KTN1: variants seen among roughly 807,000 people sequenced by gnomAD.
KTN1 encodes kinectin 1.
Under a neutral mutation model 222.5 loss-of-function variants are expected in KTN1, and 130 were observed. The ratio of observed to expected loss-of-function variants is 0.58; its 90% CI spans 0.51 to 0.68. KTN1 has a LOEUF of 0.68. Ranked by LOEUF, KTN1 falls within the 30% of genes least tolerant of loss-of-function variation. The probability of loss-of-function intolerance (pLI) is 0.00; values close to 1 mark genes in which losing one functional copy is unlikely to be tolerated. For missense variants in KTN1, 1,508 were observed against 1,500.4 expected (o/e 1.01, Z -0.08); for synonymous variants, 512 against 496.3 (o/e 1.03, Z -0.42).
intron 21 of KTN1, 25 bp downstream of exon 21, chr14:55,648,895 C>G (rs775960290): frequency 1.4e-6 from 2 of 1,402,216 alleles, no homozygotes; most frequent in African/African-American, 1.4e-5. Flanking sequence ...TACAACTGTT[C>G]TTTGTCTCTG....
At chr14:55,607,996 A>AT (rs777978243) in intron 1 of KTN1, among the ~76,000 whole-genome samples, 47 of 152,366 alleles carry the variant, frequency 3.1e-4, no homozygotes, top group Non-Finnish European at 5.7e-4. Context: ...AAAGAACAAC[A>AT]TGAGCGTCTA....
At chr14:55,607,268 A>G (rs2036861604) in intron 1 of KTN1, 1 of 152,198 alleles carries the variant, frequency 6.6e-6, no homozygotes, top group African/African-American at 2.4e-5. Flanking sequence ...AAACTATTTG[A>G]TTAGTATTTG....
chr14:55,627,143 A>C (rs2140873407), intron 5 of KTN1, among the ~76,000 whole-genome samples: 1 of 152,314 alleles, frequency 6.6e-6, no homozygotes, highest in East Asian at 1.9e-4. Context: ...ATAGCAGCTT[A>C]CATTTTGGTT....
rs575500768 is a variant in KTN1 at position 55,642,730 on chromosome 14, T to G, written c.2172+970T>G. Among the ~76,000 whole-genome samples, 300 of 152,260 alleles carry G rather than the reference T, an allele frequency of 2.0e-3. 1 individual carries two copies. Among genetic ancestry groups the G allele is most frequent in the Non-Finnish European group, 2.8e-3 (191 of 68,006 alleles). On this transcript the variant is annotated intron_variant, in intron 18 of 43. Transcript: ENST00000395314. ...GTAAGTAGCTGTGCCTCTGGAAGTA[T>G]TTTGTTAACTTGTCAAGAAATAATC...
chr14:55,680,817 C>A, intron 43 of KTN1: 1 of 770,874 alleles, frequency 1.3e-6, no homozygotes, highest in Non-Finnish European at 2.1e-6. Context: ...AGTAATTAAG[C>A]CTCAGCTCAA....
In KTN1 at chr14:55,653,562, T is replaced by G. The variant is rs752669517; in HGVS notation, c.2767T>G (p.Ser923Ala). Reference protein sequence around the residue: ...EVAQHNLKEASSASQFEELEI... With the variant: ...EVAQHNLKEAASASQFEELEI... ...AAAATATGATTCTGTTTCTCAGGCC[T>G]CTTCTGCATCACAGTTTGAAGAACT... Residue 923 changes from serine to alanine, a missense_variant, in exon 28 of 44, where the codon TCT becomes GCT. Transcript: ENST00000395314. 2.5e-6 allele frequency: 4 copies of G among 1,610,238 alleles called. No individual in the cohort carries two copies. The highest frequency in any genetic ancestry group is 3.4e-6 in the Non-Finnish European group (4 of 1,177,116).
intron 34 of KTN1, among the ~76,000 whole-genome samples, chr14:55,669,026 A>G (rs1248019284): frequency 2.6e-5 from 4 of 152,088 alleles, no homozygotes; most frequent in African/African-American, 9.7e-5. Flanking sequence ...GCTGTTGTTA[A>G]ATTGAACCTA....
intron 1 of KTN1, among the ~76,000 whole-genome samples, chr14:55,608,151 C>T (rs920746144): frequency 6.6e-6 from 1 of 152,094 alleles, no homozygotes. Flanking sequence ...GTTTTGCCTC[C>T]CTGCTTTTAA....
chr14:55,654,881 C>A (rs1201599176), intron 28 of KTN1, among the ~76,000 whole-genome samples: 1 of 152,108 alleles, frequency 6.6e-6, no homozygotes, highest in Admixed American at 6.6e-5. Context: ...CCCGGCAGCA[C>A]CCCCCGGCAA....
chr14:55,605,671 A>G (rs1461196206), intron 1 of KTN1, among the ~76,000 whole-genome samples: 1 of 152,054 alleles, frequency 6.6e-6, no homozygotes, highest in African/African-American at 2.4e-5. Flanking sequence ...AAAAGCCAAG[A>G]CTCTTGCCTT....
chr14:55,640,451 T>C lies in KTN1; in HGVS notation c.1983+9T>C. On this transcript the variant is annotated intron_variant, in intron 15 of 43. Transcript: ENST00000395314. Reference sequence around the variant, plus strand: ...CCCTGGCAAATGAGCAGGTAGATCTTTATTGCTTTTGAGCATTGATCTCAG... The same window carrying C: ...CCCTGGCAAATGAGCAGGTAGATCTCTATTGCTTTTGAGCATTGATCTCAG... 1 of 1,587,736 alleles carries C rather than the reference T, an allele frequency of 6.3e-7. No individual in the cohort carries two copies. Among genetic ancestry groups the C allele is most frequent in the Non-Finnish European group, 8.6e-7 (1 of 1,164,640 alleles).
chr14:55,620,898 A>G (rs2039050502), intron 5 of KTN1, among the ~76,000 whole-genome samples: 1 of 152,204 alleles, frequency 6.6e-6, no homozygotes, highest in African/African-American at 2.4e-5. Flanking sequence ...CTCCTCAGAA[A>G]GTGGGATTTT....
At chr14:55,602,945 C>A (rs531995379) in intron 1 of KTN1, among the ~76,000 whole-genome samples, 1 of 152,274 alleles carries the variant, frequency 6.6e-6, no homozygotes, top group South Asian at 2.1e-4. Flanking sequence ...AGAATAGTAG[C>A]ATTAGGAACA....
intron 9 of KTN1, among the ~76,000 whole-genome samples, chr14:55,635,958 C>T (rs1594993532): frequency 6.6e-6 from 1 of 151,840 alleles, no homozygotes; most frequent in South Asian, 2.1e-4. Context: ...GGCATAGATA[C>T]GGAAGTCTGT....
chr14:55,652,226 T>G (rs368614339), intron 25 of KTN1, among the ~76,000 whole-genome samples: 2 of 152,210 alleles, frequency 1.3e-5, no homozygotes, highest in East Asian at 1.9e-4. Flanking sequence ...CACATCCAGA[T>G]CAATTGTAGT....
rs1330714358 is a variant in KTN1, at chr14:55,644,292, T to C, written c.2172+2532T>C. On this transcript the variant is annotated intron_variant, in intron 18 of 43. Coordinates refer to ENST00000395314, the MANE Select transcript of KTN1 (RefSeq NM_001079521.2). ...AGAATTCCAAGTGACAGTTGAGAGA[T>C]TGAACAGTTTAGTTATGTAAAAATT... 11 of 637,228 alleles carry C rather than the reference T, an allele frequency of 1.7e-5. No homozygotes were observed. The East Asian group carries it at 2.0e-4, about 11-fold the overall frequency. The allele number at this position is 637,228 out of a possible 1,614,324, so 39.5% of individuals were successfully genotyped here.
At chr14:55,631,322 C>T (rs34023572) in intron 7 of KTN1, among the ~76,000 whole-genome samples, 30,916 of 130,956 alleles carry the variant, frequency 0.24, 3,827 homozygotes, top group East Asian at 0.32. Context: ...ATGTCTAAAA[C>T]TCACCTATTG....
chr14:55,590,936 A>G (rs1180422147), intron 1 of KTN1, among the ~76,000 whole-genome samples: 1 of 152,152 alleles, frequency 6.6e-6, no homozygotes, highest in Non-Finnish European at 1.5e-5. Context: ...GGCCTCCCAA[A>G]GTGCTGGGAT....
chr14:55,656,953 A>G (rs572708779), intron 29 of KTN1, among the ~76,000 whole-genome samples: 6 of 152,316 alleles, frequency 3.9e-5, no homozygotes, highest in African/African-American at 1.2e-4. Context: ...GTTAAAAGAG[A>G]TAGTTAAATA....
Sources: allele counts gnomAD v4.1 joint callset (sites outside exome capture counted in the v4.1 genomes callset), GRCh38; gene constraint gnomAD v4.1.1; transcripts MANE v1.5; gene names NCBI Gene and HGNC (gene_info 2026-07-23, HGNC 2026-07-21).